The following CAPN9 variants were observed in gnomAD, a reference collection of about 807,000 sequenced individuals.
The protein encoded by CAPN9 is calpain-9.
A neutral mutation model predicts 92.8 loss-of-function variants in CAPN9; 81 were observed. That is an observed-to-expected ratio of 0.87 (90% CI 0.73 to 1.05). The LOEUF (loss-of-function observed/expected upper bound fraction) is 1.05. Ranked by LOEUF, CAPN9 falls within the 50% of genes least tolerant of loss-of-function variation. CAPN9 has a pLI of 0.00. For missense variants in CAPN9, 848 were observed against 866.2 expected, an observed-to-expected ratio of 0.98 and a Z score of 0.26; for synonymous variants, 304 against 328.0, an observed-to-expected ratio of 0.93 and a Z score of 0.79.
At chr1:230,761,905 G>A (rs563038370) in intron 3 of CAPN9, among the ~76,000 whole-genome samples, 27 of 152,230 alleles carry the variant, frequency 1.8e-4, no homozygotes, top group African/African-American at 5.3e-4. Context: ...AAACACACAC[G>A]TGTGTAGAAG....
intron 2 of CAPN9, among the ~76,000 whole-genome samples, chr1:230,758,497 G>A (rs28359605): frequency 0.024 from 3,655 of 152,266 alleles, 127 homozygotes; most frequent in East Asian, 0.092. Flanking sequence ...AGCTAAGGCT[G>A]GGGGTGGCTT....
intron 18 of CAPN9, among the ~76,000 whole-genome samples, chr1:230,797,179 G>A (rs542545250): frequency 5.3e-5 from 8 of 152,108 alleles, no homozygotes; most frequent in African/African-American, 1.4e-4. Flanking sequence ...ACGCAAATTC[G>A]CCAGGTGTTT....
intron 19 of CAPN9, among the ~76,000 whole-genome samples, chr1:230,799,974 C>T (rs369178037): frequency 2.4e-4 from 36 of 151,764 alleles, no homozygotes; most frequent in African/African-American, 8.2e-4. Flanking sequence ...GTCAGGAGAT[C>T]GAGACCATCC....
At chr1:230,781,742 G>A (rs1667238459) in intron 11 of CAPN9, among the ~76,000 whole-genome samples, 1 of 152,234 alleles carries the variant, frequency 6.6e-6, no homozygotes, top group South Asian at 2.1e-4. Flanking sequence ...TCTGCACAGA[G>A]TTAACAAGAG....
chr1:230,764,427 C>A (rs970372465), intron 4 of CAPN9, among the ~76,000 whole-genome samples: 2 of 152,198 alleles, frequency 1.3e-5, no homozygotes, highest in Non-Finnish European at 2.9e-5. Flanking sequence ...AATTCTCAGG[C>A]CTTTGGACTC....
At chr1:230,792,746 C>T in intron 16 of CAPN9, 104 bp from the exon 17 acceptor site, 1 of 968,902 alleles carries the variant, frequency 1.0e-6, no homozygotes, top group Non-Finnish European at 1.6e-6. Context: ...GCCTCTGCGG[C>T]CCCTAGAGGG....
At chr1:230,755,293 G>A (rs749650048) in intron 1 of CAPN9, 44 bp from the exon 2 acceptor site, 2 of 1,474,110 alleles carry the variant, frequency 1.4e-6, no homozygotes, top group Non-Finnish European at 1.9e-6. Flanking sequence ...ATAGTGGCTT[G>A]CAGCATGGCA....
intron 8 of CAPN9, among the ~76,000 whole-genome samples, chr1:230,778,558 C>T (rs1157594318): frequency 6.6e-6 from 1 of 152,192 alleles, no homozygotes. Flanking sequence ...CCTCAAGCAC[C>T]TCTCTGCCTC....
intron 6 of CAPN9, among the ~76,000 whole-genome samples, chr1:230,771,376 C>T (rs560305098): frequency 1.3e-4 from 20 of 152,386 alleles, no homozygotes; most frequent in African/African-American, 4.3e-4. Flanking sequence ...TGGCCCTTGT[C>T]CCTGCTCCCA....
chr1:230,787,243 G>T (rs1297605950), intron 12 of CAPN9, among the ~76,000 whole-genome samples: 1 of 152,158 alleles, frequency 6.6e-6, no homozygotes, highest in Non-Finnish European at 1.5e-5. Context: ...AAATCCAATG[G>T]CCAGGACCTA....
At chr1:230,765,314 A>G (rs1479878917) in intron 4 of CAPN9, among the ~76,000 whole-genome samples, 1 of 152,000 alleles carries the variant, frequency 6.6e-6, no homozygotes, top group Admixed American at 6.6e-5. Context: ...CCAAACAGCC[A>G]AAGCTAGAAG....
Position 230,780,196 on chromosome 1 carries a change from C to T in CAPN9, c.1132C>T (p.Pro378Ser). Reference sequence around the variant, plus strand: ...AATGACAGATACCTTTTGGACCAATCCACAAATAAAATTGTCTCTGACTGA... The same window carrying T: ...AATGACAGATACCTTTTGGACCAATTCACAAATAAAATTGTCTCTGACTGA... ...RNFLDTFWTN[P>S]QIKLSLTEKD... Residue 378 changes from proline (P) to serine (S), a missense_variant, in exon 10 of 20, where the codon CCA becomes TCA. Transcript: ENST00000271971. 6.2e-7 allele frequency: 1 copy of T among 1,613,172 alleles called. No homozygotes were observed. The highest frequency in any genetic ancestry group is 8.5e-7 in the Non-Finnish European group (1 of 1,179,766).
intron 11 of CAPN9, among the ~76,000 whole-genome samples, chr1:230,785,005 C>G (rs1667483483): frequency 1.3e-5 from 2 of 152,222 alleles, no homozygotes; most frequent in African/African-American, 4.8e-5. Context: ...GGATGTAGGA[C>G]ATGGAGTCAA....
chr1:230,776,245 C>A (rs1163801671), intron 8 of CAPN9: 5 of 152,180 alleles, frequency 3.3e-5, no homozygotes, highest in African/African-American at 1.2e-4. Flanking sequence ...AGGCAGCTCT[C>A]TGGGGCCTCT....
chr1:230,761,219 A>G (rs1278906018), intron 3 of CAPN9, among the ~76,000 whole-genome samples: 1 of 152,100 alleles, frequency 6.6e-6, no homozygotes, highest in Non-Finnish European at 1.5e-5. Context: ...CCTTCTAGGA[A>G]GCAGAGCTTT....
chr1:230,766,731 A>C (rs1558092426), intron 4 of CAPN9, among the ~76,000 whole-genome samples: 1 of 152,228 alleles, frequency 6.6e-6, no homozygotes, highest in Non-Finnish European at 1.5e-5. Context: ...GGCAATTTAC[A>C]AAAGAAAGAC....
rs1667147699 is a variant in CAPN9 at position 230,780,543 on chromosome 1, A to G, written c.1316A>G (p.Tyr439Cys). The change falls in exon 11 of 20, where the codon TAC becomes TGC. Residue 439 changes from tyrosine to cysteine, a missense_variant. Physicochemically the swap from Tyr to Cys is radical, Grantham distance 194. Transcript: ENST00000271971. ...CACCTGAACAAAGACTTCTTCAGAT[A>G]CCACGCTTCTCGGGCCAGAAGCAAG... ...DEHLNKDFFR[Y>C]HASRARSKTF... 1 of 1,614,136 alleles carries G rather than the reference A, an allele frequency of 6.2e-7. No individual in the cohort carries two copies.
intron 2 of CAPN9, among the ~76,000 whole-genome samples, chr1:230,756,825 C>T (rs1260598890): frequency 2.0e-5 from 3 of 151,966 alleles, no homozygotes; most frequent in Non-Finnish European, 4.4e-5. Flanking sequence ...GACCATAGTT[C>T]CAGCTACTTG....
At position 230,801,829 on chromosome 1, in the gene CAPN9, TG is replaced by T; in HGVS notation, c.*234del. 1 of 561,644 alleles carries T rather than the reference TG, an allele frequency of 1.8e-6. No homozygotes were observed. Among genetic ancestry groups the T allele is most frequent in the Non-Finnish European group, 3.2e-6 (1 of 314,622 alleles). The allele number at this position is 561,644 out of a possible 1,614,324, so 34.8% of individuals were successfully genotyped here. On this transcript the variant is annotated 3_prime_UTR_variant, in exon 20 of 20. Transcript: ENST00000271971. Reference sequence around the variant, plus strand: ...TTAAGGGGGCTGATGGCGCCACCTGTGCCTTACATCCAGGTTCAGGCATCAC... The same window carrying T: ...TTAAGGGGGCTGATGGCGCCACCTGTCCTTACATCCAGGTTCAGGCATCAC...
Sources: gnomAD v4.1 joint callset for allele counts (sites outside exome capture counted in the v4.1 genomes callset) on GRCh38, gnomAD v4.1.1 for gene constraint, MANE v1.5 for transcripts, NCBI Gene and HGNC (gene_info 2026-07-23, HGNC 2026-07-21) for gene names.